PCDHA5: variants seen among roughly 807,000 people sequenced by gnomAD.
The protein encoded by PCDHA5 is protocadherin alpha-5.
Under a neutral mutation model 61.6 loss-of-function variants are expected in PCDHA5, and 43 were observed. The ratio of observed to expected loss-of-function variants is 0.70; its 90% confidence interval spans 0.55 to 0.90. PCDHA5 has a LOEUF of 0.90. Among genes scored for constraint, PCDHA5 ranks in the 40% least tolerant of loss-of-function variants. The probability of loss-of-function intolerance (pLI) is 0.00; values close to 1 mark genes in which losing one functional copy is unlikely to be tolerated. For synonymous variants in PCDHA5, 627 were observed against 543.9 expected (o/e 1.15, Z -2.13); for missense variants, 1,298 against 1,222.7 (o/e 1.06, Z -0.92).
chr5:140,898,843 C>G (rs1449030828), intron 1 of PCDHA5, among the ~76,000 whole-genome samples: 17 of 152,100 alleles, frequency 1.1e-4, no homozygotes, highest in Non-Finnish European at 1.3e-4. Context: ...TCTTCCATTT[C>G]TTTGTATCCT....
At chr5:140,866,812 C>A (rs1172521123) in intron 1 of PCDHA5, 1 of 152,120 alleles carries the variant, frequency 6.6e-6, no homozygotes, top group Non-Finnish European at 1.5e-5. Context: ...CACAAAGTTC[C>A]TTAATCTTCA....
At chr5:140,941,194 T>TCTTC (rs781904538) in intron 1 of PCDHA5, among the ~76,000 whole-genome samples, 2 of 112,354 alleles carry the variant, frequency 1.8e-5, no homozygotes, top group Non-Finnish European at 3.8e-5. Context: ...TCTTTTTTTT[T>TCTTC]CTTTCTTCCT....
intron 3 of PCDHA5, among the ~76,000 whole-genome samples, chr5:140,998,871 A>C (rs1554256499): frequency 6.6e-6 from 1 of 152,200 alleles, no homozygotes; most frequent in African/African-American, 2.4e-5. Flanking sequence ...CTTGTAAATA[A>C]TAAGTTTAGT....
At chr5:140,929,663 G>A (rs1284467278) in intron 1 of PCDHA5, 1 of 336,002 alleles carries the variant, frequency 3.0e-6, no homozygotes, top group African/African-American at 2.1e-5. Context: ...TATTTAAAGT[G>A]AAGAATGAAA....
At chr5:140,930,906 C>T (rs1235701028) in intron 1 of PCDHA5, among the ~76,000 whole-genome samples, 1 of 152,134 alleles carries the variant, frequency 6.6e-6, no homozygotes, top group African/African-American at 2.4e-5. Flanking sequence ...ACTTACTTTT[C>T]TACTTTAGAT....
intron 1 of PCDHA5, chr5:140,969,591 T>C: frequency 2.4e-6 from 2 of 829,486 alleles, no homozygotes; most frequent in South Asian, 2.0e-5. Context: ...TTAGTCTTAA[T>C]ATTTAATGCT....
At chr5:140,828,464 G>A (rs1554131324) in intron 1 of PCDHA5, 2 of 1,614,262 alleles carry the variant, frequency 1.2e-6, no homozygotes, top group Non-Finnish European at 1.7e-6. Context: ...GGAGGTGAGG[G>A]ACATTAACGA....
intron 1 of PCDHA5, chr5:140,967,345 CGAGCTG>C (rs1443872198): frequency 1.2e-6 from 2 of 1,607,634 alleles, no homozygotes; most frequent in Non-Finnish European, 1.7e-6. Context: ...GCGAGCACTT[CGAGCTG>C]GACCTTAAGC....
intron 3 of PCDHA5, among the ~76,000 whole-genome samples, chr5:140,984,963 A>T (rs1390500469): frequency 1.3e-5 from 2 of 151,890 alleles, no homozygotes; most frequent in Non-Finnish European, 2.9e-5. Context: ...TTTGAGACAG[A>T]GTCTCGCTCT....
rs10076265 is a variant in PCDHA5 at position 140,884,506 on chromosome 5, G to A, written c.2352+60379G>A. 61 of 1,614,172 alleles carry A rather than the reference G, an allele frequency of 3.8e-5. No homozygotes were observed. In the South Asian group the frequency reaches 5.9e-4, roughly 16 times the overall value. ...CTCTAGTGTGCTCCAGCGCGGCAGG[G>A]AGTTGGTCGTACTCGCAGCAGAGGC... On this transcript the variant is annotated intron_variant, in intron 1 of 3. Transcript: ENST00000529859.
rs2150123254 is a variant in PCDHA5 at position 140,823,182 on chromosome 5, A to G, written c.1407A>G (p.Pro469=). ...YTVFVKENNP[P]GCHIFTVSAR... ...TGTTCGTGAAGGAGAACAACCCGCCAGGCTGCCACATCTTCACGGTGTCTG... is the reference window on the plus strand; with the variant it reads ...TGTTCGTGAAGGAGAACAACCCGCCGGGCTGCCACATCTTCACGGTGTCTG... Residue 469 remains proline (P), a synonymous_variant, in exon 1 of 4, where the codon CCA becomes CCG. Transcript: ENST00000529859. The G allele has an allele frequency of 2.1e-5, 34 of 1,613,728 alleles. No individual in the cohort carries two copies. Among genetic ancestry groups the G allele is most frequent in the South Asian group, 1.1e-4 (10 of 91,078 alleles).
At chr5:140,886,254 CTATT>C (rs1407308299) in intron 1 of PCDHA5, among the ~76,000 whole-genome samples, 1 of 151,720 alleles carries the variant, frequency 6.6e-6, no homozygotes, top group African/African-American at 2.4e-5. Context: ...AAAAGTATCT[CTATT>C]TATAGATAAA....
intron 1 of PCDHA5, among the ~76,000 whole-genome samples, chr5:140,949,517 C>T (rs2094387959): frequency 6.6e-6 from 1 of 151,706 alleles, no homozygotes; most frequent in African/African-American, 2.4e-5. Context: ...TTTATTGATC[C>T]TTTTATCTTC....
chr5:140,828,800 G>T (rs2150159124), intron 1 of PCDHA5: 8 of 1,614,104 alleles, frequency 5.0e-6, no homozygotes, highest in Non-Finnish European at 6.8e-6. Context: ...GGATGTGAAT[G>T]ATAATGCTCC....
chr5:140,896,092 TG>T (rs2065379013), intron 1 of PCDHA5, among the ~76,000 whole-genome samples: 1 of 152,194 alleles, frequency 6.6e-6, no homozygotes, highest in Non-Finnish European at 1.5e-5. Context: ...ATTACAGGCG[TG>T]AGCCACTGTG....
At chr5:140,870,880 G>T in intron 1 of PCDHA5, 1 of 1,613,948 alleles carries the variant, frequency 6.2e-7, no homozygotes. Context: ...GGTGGCGAAG[G>T]TGCGCGCAGT....
chr5:140,961,007 T>C (rs2095583572), intron 1 of PCDHA5, among the ~76,000 whole-genome samples: 1 of 152,230 alleles, frequency 6.6e-6, no homozygotes, highest in Non-Finnish European at 1.5e-5. Context: ...GCTGCTGGAC[T>C]GCATGGACAC....
At chr5:140,862,636 T>C in intron 1 of PCDHA5, 1 of 539,338 alleles carries the variant, frequency 1.9e-6, no homozygotes, top group East Asian at 5.1e-5. Flanking sequence ...CTGCCACGAC[T>C]TCACAGTGTC....
intron 3 of PCDHA5, among the ~76,000 whole-genome samples, chr5:140,997,287 A>G (rs1011963664): frequency 2.0e-5 from 3 of 152,280 alleles, no homozygotes; most frequent in Admixed American, 1.3e-4. Context: ...TCACTTAACA[A>G]TGGGGATACA....
Sources: allele counts gnomAD v4.1 joint callset (sites outside exome capture counted in the v4.1 genomes callset), GRCh38; gene constraint gnomAD v4.1.1; transcripts MANE v1.5; gene names NCBI Gene and HGNC (gene_info 2026-07-23, HGNC 2026-07-21).